PLXNA4: variants seen among roughly 807,000 people sequenced by gnomAD.
PLXNA4 encodes plexin-A4.
PLXNA4 carries 44 observed loss-of-function variants against 191.8 expected under a neutral mutation model. The ratio of observed to expected loss-of-function variants is 0.23; its 90% confidence interval spans 0.18 to 0.29. PLXNA4 has a LOEUF of 0.29. PLXNA4 is among the 10% of genes least tolerant of loss of function. The pLI is 1.00. For missense variants in PLXNA4, 1,800 were observed against 2,488.8 expected (o/e 0.72, Z 5.89); for synonymous variants, 1,082 against 1,009.5 (o/e 1.07, Z -1.36).
At chr7:132,581,648 G>C (rs1290577932), upstream of PLXNA4, among the ~76,000 whole-genome samples, 2 of 152,178 alleles carry the variant, frequency 1.3e-5, no homozygotes, top group East Asian at 3.9e-4. Flanking sequence ...GCTGGACATG[G>C]CAAGCTCTGC....
intron 2 of PLXNA4, among the ~76,000 whole-genome samples, 167 bp downstream of exon 2, chr7:132,507,339 A>C (rs978961552): frequency 8.5e-5 from 13 of 152,214 alleles, no homozygotes; most frequent in African/African-American, 3.1e-4. Context: ...TCATAGTTGC[A>C]GAATATTTGG....
chr7:132,489,565 CT>C, intron 2 of PLXNA4, 91 bp from the exon 3 acceptor site: 1 of 1,124,824 alleles, frequency 8.9e-7, no homozygotes, highest in Non-Finnish European at 1.2e-6. Context: ...TAGAAGAATC[CT>C]TAGAGATGAA....
chr7:132,210,660 G>A (rs940639073), intron 10 of PLXNA4, among the ~76,000 whole-genome samples: 2 of 152,164 alleles, frequency 1.3e-5, no homozygotes, highest in Non-Finnish European at 2.9e-5. Flanking sequence ...ACAGCTCCAC[G>A]GCTGGTCCAA....
chr7:132,422,561 C>G (rs187459355), intron 3 of PLXNA4, among the ~76,000 whole-genome samples: 14 of 152,350 alleles, frequency 9.2e-5, no homozygotes, highest in African/African-American at 3.4e-4. Flanking sequence ...AGTAATTCAT[C>G]CAGAGACAGA....
At chr7:132,225,298 C>A (rs1214655545) in intron 8 of PLXNA4, among the ~76,000 whole-genome samples, 2 of 152,200 alleles carry the variant, frequency 1.3e-5, no homozygotes, top group East Asian at 3.9e-4. Context: ...GCCCTTTTAC[C>A]CCTTGTGGCT....
At chr7:132,270,002 T>G (rs1431405803) in intron 4 of PLXNA4, among the ~76,000 whole-genome samples, 2 of 152,164 alleles carry the variant, frequency 1.3e-5, no homozygotes, top group Non-Finnish European at 2.9e-5. Context: ...AACACCAGCA[T>G]GCTCAGAATC....
intron 29 of PLXNA4, among the ~76,000 whole-genome samples, chr7:132,141,203 T>C (rs1450544236): frequency 6.6e-6 from 1 of 152,200 alleles, no homozygotes; most frequent in Non-Finnish European, 1.5e-5. Context: ...GAGCATCTAG[T>C]TGGCAAACTG....
intron 4 of PLXNA4, among the ~76,000 whole-genome samples, chr7:132,276,270 T>C (rs1026196): frequency 0.89 from 135,024 of 152,224 alleles, 60,280 homozygotes; most frequent in East Asian, 1. Context: ...GAAGAGTTTT[T>C]CTACCACCTT....
At chr7:132,163,723 T>A (rs1412090088) in intron 24 of PLXNA4, among the ~76,000 whole-genome samples, 2 of 152,196 alleles carry the variant, frequency 1.3e-5, no homozygotes, top group Admixed American at 6.5e-5. Context: ...CAGAAGGCAG[T>A]GGGGGCTTCA....
intron 19 of PLXNA4, 106 bp from the exon 20 acceptor site, chr7:132,180,027 G>C: frequency 6.9e-7 from 1 of 1,453,672 alleles, no homozygotes; most frequent in South Asian, 1.4e-5. Context: ...TGACGGAAAG[G>C]AGACCAATCA....
intron 3 of PLXNA4, among the ~76,000 whole-genome samples, chr7:132,337,791 G>A (rs532998746): frequency 2.6e-5 from 4 of 152,280 alleles, no homozygotes; most frequent in African/African-American, 9.6e-5. Flanking sequence ...TTTCCAGGCT[G>A]GGTAAAATGT....
chr7:132,295,298 A>G (rs1801035931), intron 4 of PLXNA4, among the ~76,000 whole-genome samples: 1 of 152,230 alleles, frequency 6.6e-6, no homozygotes, highest in Admixed American at 6.5e-5. Flanking sequence ...GCCTGGTCTG[A>G]CAAGAGCTAC....
At chr7:132,248,645 C>T (rs1395150916) in intron 4 of PLXNA4, among the ~76,000 whole-genome samples, 3 of 152,140 alleles carry the variant, frequency 2.0e-5, no homozygotes, top group Non-Finnish European at 4.4e-5. Flanking sequence ...TGATAAATGG[C>T]CCTTCTCAGT....
chr7:132,623,105 G>A (rs561584503), intron 2 of PLXNA4, among the ~76,000 whole-genome samples: 1 of 152,288 alleles, frequency 6.6e-6, no homozygotes, highest in Admixed American at 6.5e-5. Context: ...AGCACTTTGG[G>A]TGGCTGAGGC....
intron 3 of PLXNA4, among the ~76,000 whole-genome samples, chr7:132,421,500 A>T (rs1021817004): frequency 6.6e-6 from 1 of 152,108 alleles, no homozygotes; most frequent in Non-Finnish European, 1.5e-5. Context: ...CTATGGTGTC[A>T]GGGCAACCGA....
chr7:132,394,513 A>G (rs1793667348), intron 3 of PLXNA4, among the ~76,000 whole-genome samples: 1 of 152,190 alleles, frequency 6.6e-6, no homozygotes, highest in Non-Finnish European at 1.5e-5. Context: ...CTGTGATTCT[A>G]GCTGTCAGAA....
intron 3 of PLXNA4, among the ~76,000 whole-genome samples, chr7:132,371,051 G>C (rs1804417152): frequency 6.6e-6 from 1 of 152,128 alleles, no homozygotes; most frequent in Non-Finnish European, 1.5e-5. Flanking sequence ...AGATCCCAGA[G>C]AAGAAGCACA....
chr7:132,181,338 C>A, intron 18 of PLXNA4, 43 bp downstream of exon 18: 1 of 1,610,710 alleles, frequency 6.2e-7, no homozygotes, highest in East Asian at 2.2e-5. Context: ...CATGCAGCAG[C>A]CCCTTCTTTT....
In PLXNA4 at chr7:132,174,766, A is replaced by T. The variant is rs765301628; in HGVS notation, c.4017+12T>A. On this transcript the variant is annotated intron_variant, in intron 21 of 31. Coordinates refer to ENST00000321063, the MANE Select transcript of PLXNA4 (RefSeq NM_020911.2). ...CCCTGCTCTAATGCCAGGATGGAGCACTGCTTCTCACCTCAAGGTCCCGGA... is the reference window on the plus strand; with the variant it reads ...CCCTGCTCTAATGCCAGGATGGAGCTCTGCTTCTCACCTCAAGGTCCCGGA... 6.8e-6 allele frequency: 11 copies of T among 1,613,018 alleles called. No individual in the cohort carries two copies. In the African/African-American group the frequency reaches 9.3e-5, roughly 14 times the overall value.
Sources: gnomAD v4.1 joint callset for allele counts (sites outside exome capture counted in the v4.1 genomes callset) on GRCh38, gnomAD v4.1.1 for gene constraint, MANE v1.5 for transcripts, NCBI Gene and HGNC (gene_info 2026-07-23, HGNC 2026-07-21) for gene names.